Variants in RAB34 observed in about 807,000 individuals in gnomAD.
RAB34 encodes the protein RAB34, member RAS oncogene family.
A neutral mutation model predicts 39.0 loss-of-function variants in RAB34; 33 were observed. That is an observed-to-expected ratio of 0.85 (90% CI 0.64 to 1.13). RAB34 has a LOEUF of 1.13. Among genes scored for constraint, RAB34 ranks in the 50% most tolerant of loss-of-function variants. The pLI is 0.00. For missense variants in RAB34, 289 were observed against 326.1 expected (o/e 0.89, Z 0.88); for synonymous variants, 135 against 125.1 (o/e 1.08, Z -0.53).
At position 28,717,706 on chromosome 17, in the gene RAB34, C is replaced by G. The variant is rs1251761583; in HGVS notation, c.-440G>C. On this transcript the variant is annotated 5_prime_UTR_variant, in exon 1 of 10. It removes an upstream start codon present in the reference 5' UTR. Coordinates refer to ENST00000395245, the MANE Select transcript of RAB34 (RefSeq NM_031934.6). ...CATCTCGGGGCTGAGGCTGCCCTAC[C>G]ATTACAGAGCGGCCCGGGGGCGCGG... The G allele has an allele frequency of 4.4e-6, 6 of 1,348,458 alleles. No individual in the cohort carries two copies. The highest frequency in any genetic ancestry group is 7.3e-5 in the Admixed American group (2 of 27,470). 83.5% of individuals were successfully genotyped at this position (1,348,458 alleles called of 1,614,324 possible). A position where few individuals can be genotyped will look rare whatever the true frequency, so the allele number is the denominator to read the frequency against.
rs1278300393 is a variant in RAB34, at chr17:28,714,841, G to A, written c.664C>T (p.Leu222=). ...GCCCCCGATTTCTCCAGCTCAGCCA[G>A]CACATTGGCCTCAAAGGTCAGTGCT... ...VAALTFEANV[L]AELEKSGARR... is the part of the protein sequence containing the mutation. The change falls in exon 9 of 10, where the codon CTG becomes TTG. Residue 222 remains leucine (L), a synonymous_variant. Transcript: ENST00000395245. 2.5e-6 allele frequency: 4 copies of A among 1,614,154 alleles called. No individual in the cohort carries two copies. The East Asian group carries it at 8.9e-5, about 36-fold the overall frequency.
At chr17:28,716,158 G>T (rs1021989012) in intron 2 of RAB34, 100 bp from the exon 3 acceptor site, 2 of 1,561,162 alleles carry the variant, frequency 1.3e-6, no homozygotes, top group South Asian at 2.3e-5. Flanking sequence ...GCTGCACCCA[G>T]GCTGAGGGTA....
At chr17:28,717,047 C>G (rs1597777723) in intron 1 of RAB34, 53 bp from the exon 2 acceptor site, 2 of 1,596,418 alleles carry the variant, frequency 1.3e-6, no homozygotes, top group African/African-American at 1.3e-5. Context: ...GCCCTTGTCC[C>G]GCAGCCAAGC....
At position 28,714,820 on chromosome 17, in the gene RAB34, C is replaced by A; in HGVS notation, c.685G>T (p.Gly229Trp). Residue 229 changes from glycine (G) to tryptophan (W), a missense_variant, in exon 9 of 10, where the codon GGG (glycine) becomes TGG (tryptophan). Physicochemically the swap from Gly to Trp is radical, Grantham distance 184. Coordinates refer to ENST00000395245, the MANE Select transcript of RAB34 (RefSeq NM_031934.6). ...ACAACATCCCCAATGCGTCGAGCCC[C>A]CGATTTCTCCAGCTCAGCCAGCACA... The part of the protein sequence containing the change: ...ANVLAELEKS[G>W]ARRIGDVVRI... 6.2e-7 allele frequency: 1 copy of A among 1,614,174 alleles called. No individual in the cohort carries two copies. The highest frequency in any genetic ancestry group is 8.5e-7 in the Non-Finnish European group (1 of 1,180,032).
In RAB34 at chr17:28,717,244, C is replaced by T. The variant is rs2033648576; in HGVS notation, c.23G>A (p.Arg8Gln). MNILAPVRRDRVLAELPQ... is the reference protein window; with the variant it reads MNILAPVQRDRVLAELPQ... ...CAGCTCCGCCAGGACGCGATCCCTC[C>T]GCACGGGTGCCAGAATGTTCATCCT... The change falls in exon 1 of 10, where the codon CGG becomes CAG. Residue 8 changes from arginine (R) to glutamine (Q), a missense_variant. Coordinates refer to ENST00000395245, the MANE Select transcript of RAB34 (RefSeq NM_031934.6). 6 of 1,606,312 alleles carry T rather than the reference C, an allele frequency of 3.7e-6. No individual in the cohort carries two copies. The highest frequency in any genetic ancestry group is 1.3e-5 in the African/African-American group (1 of 74,926).
Position 28,717,813 on chromosome 17 carries a change from C to T in RAB34, c.-547G>A. 1 of 1,329,240 alleles carries T rather than the reference C, an allele frequency of 7.5e-7. No individual in the cohort carries two copies. The highest frequency in any genetic ancestry group is 9.6e-7 in the Non-Finnish European group (1 of 1,046,188). The allele number at this position is 1,329,240 out of a possible 1,614,324, so 82.3% of individuals were successfully genotyped here. On this transcript the variant is annotated 5_prime_UTR_variant, in exon 1 of 10. Coordinates refer to ENST00000395245, the MANE Select transcript of RAB34 (RefSeq NM_031934.6). The stretch of plus-strand genomic sequence containing the variant: ...GGCCGCTGGAGGAGGGGGCGAGGGG[C>T]CCAGTCCGGCTACAGGGCCTCGAGT...
intron 1 of RAB34, 43 bp downstream of exon 1, chr17:28,717,170 C>A (rs779975810): frequency 4.0e-5 from 63 of 1,569,180 alleles, no homozygotes; most frequent in Non-Finnish European, 5.0e-5. Flanking sequence ...CTCGCCCACA[C>A]CCCGGGCTGT....
chr17:28,717,793 C>T lies in RAB34; in HGVS notation c.-527G>A. 3 of 1,325,634 alleles carry T rather than the reference C, an allele frequency of 2.3e-6. No individual in the cohort carries two copies. Among genetic ancestry groups the T allele is most frequent in the Non-Finnish European group, 2.9e-6 (3 of 1,043,732 alleles). 82.1% of individuals were successfully genotyped at this position (1,325,634 alleles called of 1,614,324 possible). A position where few individuals can be genotyped will look rare whatever the true frequency, so the allele number is the denominator to read the frequency against. On this transcript the variant is annotated 5_prime_UTR_variant, in exon 1 of 10. Transcript: ENST00000395245. ...CGGCGCTGCCAAGGCCCGCAGGCCG[C>T]TGGAGGAGGGGGCGAGGGGCCCAGT...
Position 28,715,857 on chromosome 17 carries a change from CCAATGGTGGCCTTGTAATTCTTAT to C in RAB34, c.233_256del (p.Asp78_Ile85del). The stretch of plus-strand genomic sequence containing the variant: ...AAATCGTTCCATCTCGAAGTCCACT[CCAATGGTGGCCTTGTAATTCTTAT>C]CAAAGGTGTCTTTGCAGAACCTGAG... On this transcript the variant is annotated inframe_deletion, in exon 4 of 10. Coordinates refer to ENST00000395245, the MANE Select transcript of RAB34 (RefSeq NM_031934.6). 2 of 1,613,964 alleles carry C rather than the reference CCAATGGTGGCCTTGTAATTCTTAT, an allele frequency of 1.2e-6. No individual in the cohort carries two copies. Among genetic ancestry groups the C allele is most frequent in the Non-Finnish European group, 1.7e-6 (2 of 1,179,946 alleles).
rs376271453 is a variant in RAB34, at chr17:28,715,725, A to G, written c.315-20T>C. On this transcript the variant is annotated intron_variant, in intron 4 of 9. Transcript: ENST00000395245. ...TCCCAACTGGAAGGAAGGAAGAGTG[A>G]AGCACAGGTATGTATCTTGGGGGGT... 1.5e-5 allele frequency: 25 copies of G among 1,613,914 alleles called. No homozygotes were observed. Among genetic ancestry groups the G allele is most frequent in the Non-Finnish European group, 1.9e-5 (22 of 1,179,936 alleles).
Position 28,714,442 on chromosome 17 carries a change from G to T in RAB34, c.*201C>A. 9.2e-7 allele frequency: 1 copy of T among 1,087,030 alleles called. No homozygotes were observed. The highest frequency in any genetic ancestry group is 1.4e-6 in the Non-Finnish European group (1 of 725,842). 67.3% of individuals were successfully genotyped at this position (1,087,030 alleles called of 1,614,324 possible). A position where few individuals can be genotyped will look rare whatever the true frequency, so the allele number is the denominator to read the frequency against. ...TGGACAGTCCCCTGAGGAGTAGGGG[G>T]CATCCAGTCTTTGGCACGGTGCCTG... On this transcript the variant is annotated 3_prime_UTR_variant, in exon 10 of 10. Transcript: ENST00000395245.
Position 28,717,278 on chromosome 17 carries a change from C to T in RAB34, c.-12G>A. On this transcript the variant is annotated 5_prime_UTR_variant, in exon 1 of 10. Transcript: ENST00000395245. The stretch of plus-strand genomic sequence containing the variant: ...GCCAGAATGTTCATCCTGCCTGCGG[C>T]CTTGCAGGGCGCCCTGAGAAGGCGC... 6.3e-7 allele frequency: 1 copy of T among 1,596,728 alleles called. No individual in the cohort carries two copies. The highest frequency in any genetic ancestry group is 8.5e-7 in the Non-Finnish European group (1 of 1,174,464).
chr17:28,716,875 C>T (rs768102393), intron 2 of RAB34, 28 bp downstream of exon 2: 1 of 1,601,924 alleles, frequency 6.2e-7, no homozygotes, highest in Non-Finnish European at 8.5e-7. Context: ...GGGACCTCCT[C>T]TCTTTGTTGT....
At position 28,717,480 on chromosome 17, in the gene RAB34, C is replaced by T; in HGVS notation, c.-214G>A. ...ACAATCACCCGGGGCCGCGGCGAGC[C>T]CAAAATCACCCGGGCCCTGGGCGTC... On this transcript the variant is annotated 5_prime_UTR_variant, in exon 1 of 10. Coordinates refer to ENST00000395245, the MANE Select transcript of RAB34 (RefSeq NM_031934.6). 4 of 1,441,870 alleles carry T rather than the reference C, an allele frequency of 2.8e-6. No individual in the cohort carries two copies. Among genetic ancestry groups the T allele is most frequent in the South Asian group, 1.4e-5 (1 of 70,990 alleles). The allele number at this position is 1,441,870 out of a possible 1,614,324, so 89.3% of individuals were successfully genotyped here. A position where few individuals can be genotyped will look rare whatever the true frequency, so the allele number is the denominator to read the frequency against.
At position 28,717,262 on chromosome 17, in the gene RAB34, T is replaced by G; in HGVS notation, c.5A>C (p.Asn2Thr). Residue 2 changes from asparagine (N) to threonine (T), a missense_variant, in exon 1 of 10, where the codon AAC (asparagine) becomes ACC (threonine). Physicochemically the swap from Asn to Thr is moderately conservative, Grantham distance 65 (BLOSUM62 0). Transcript: ENST00000395245. ...ATCCCTCCGCACGGGTGCCAGAATGTTCATCCTGCCTGCGGCCTTGCAGGG... is the reference window on the plus strand; with the variant it reads ...ATCCCTCCGCACGGGTGCCAGAATGGTCATCCTGCCTGCGGCCTTGCAGGG... The part of the protein sequence containing the change: M[N>T]ILAPVRRDRV... 6.2e-7 allele frequency: 1 copy of G among 1,605,182 alleles called. No homozygotes were observed. Among genetic ancestry groups the G allele is most frequent in the Non-Finnish European group, 8.5e-7 (1 of 1,178,174 alleles).
At chr17:28,714,971 T>C in intron 8 of RAB34, 61 bp downstream of exon 8, 1 of 1,589,448 alleles carries the variant, frequency 6.3e-7, no homozygotes, top group Non-Finnish European at 8.6e-7. Flanking sequence ...GCTGGAGGTG[T>C]AGCAGTGAGA....
intron 7 of RAB34, 25 bp downstream of exon 7, chr17:28,715,170 G>A (rs760949043): frequency 1.2e-6 from 2 of 1,613,858 alleles, no homozygotes; most frequent in East Asian, 2.2e-5. Flanking sequence ...ACCAAGCTGG[G>A]AAGTCCCCCC....
chr17:28,717,502 C>A lies in RAB34; in HGVS notation c.-236G>T. ...AGCCCAAAATCACCCGGGCCCTGGGCGTCCCGAAGATGACTCTGGGGCGAG... is the reference window on the plus strand; with the variant it reads ...AGCCCAAAATCACCCGGGCCCTGGGAGTCCCGAAGATGACTCTGGGGCGAG... On this transcript the variant is annotated 5_prime_UTR_variant, in exon 1 of 10. Transcript: ENST00000395245. The A allele has an allele frequency of 7.0e-7, 1 of 1,432,084 alleles. No homozygotes were observed. The highest frequency in any genetic ancestry group is 1.5e-5 in the South Asian group (1 of 68,846). The allele number at this position is 1,432,084 out of a possible 1,614,324, so 88.7% of individuals were successfully genotyped here. A position where few individuals can be genotyped will look rare whatever the true frequency, so the allele number is the denominator to read the frequency against.
chr17:28,717,949 G>T, upstream of RAB34: 2 of 770,278 alleles, frequency 2.6e-6, no homozygotes, highest in South Asian at 4.9e-5. Flanking sequence ...GCCCGCCCTC[G>T]CCACCCCCTC....
Sources: gnomAD v4.1 joint callset for allele counts on GRCh38, gnomAD v4.1.1 for gene constraint, MANE v1.5 for transcripts, NCBI Gene and HGNC (gene_info 2026-07-23, HGNC 2026-07-21) for gene names.